RALYL: variants seen among roughly 807,000 people sequenced by gnomAD.
The protein encoded by RALYL is RALY RNA binding protein like.
RALYL carries 29 observed loss-of-function variants against 35.1 expected under a neutral mutation model. That is an observed-to-expected ratio of 0.83 (90% confidence interval 0.61 to 1.13). The LOEUF is 1.13. Among genes scored for constraint, RALYL ranks in the 50% most tolerant of loss-of-function variants. The pLI is 0.00. For missense variants in RALYL, 359 were observed against 360.4 expected (o/e 1.00, Z 0.03); for synonymous variants, 120 against 127.6 (o/e 0.94, Z 0.40).
intron 2 of RALYL, among the ~76,000 whole-genome samples, chr8:84,745,581 A>T (rs1808421636): frequency 6.6e-6 from 1 of 152,028 alleles, no homozygotes; most frequent in Admixed American, 6.6e-5. Flanking sequence ...AATGGCCCAT[A>T]GTATATTTTT....
intron 2 of RALYL, among the ~76,000 whole-genome samples, chr8:84,682,060 A>G (rs1835659757): frequency 6.6e-6 from 1 of 152,066 alleles, no homozygotes; most frequent in Non-Finnish European, 1.5e-5. Flanking sequence ...GGGCTGTTGG[A>G]TTTTGTCAAA....
chr8:84,194,491 G>C (rs996341137), intron 1 of RALYL, among the ~76,000 whole-genome samples: 1 of 152,080 alleles, frequency 6.6e-6, no homozygotes, highest in African/African-American at 2.4e-5. Flanking sequence ...TTCTGCAGTG[G>C]ATACAGCAAT....
intron 2 of RALYL, among the ~76,000 whole-genome samples, chr8:84,533,429 T>C (rs377376494): frequency 5.9e-5 from 9 of 152,326 alleles, no homozygotes; most frequent in African/African-American, 1.7e-4. Flanking sequence ...GCCAATTTTA[T>C]GTATCTATTG....
intron 6 of RALYL, among the ~76,000 whole-genome samples, chr8:84,872,277 G>A (rs933913589): frequency 5.3e-5 from 8 of 152,098 alleles, no homozygotes; most frequent in Non-Finnish European, 1.2e-4. Context: ...AAAGATTTAG[G>A]ATTAAATGCT....
At chr8:84,654,536 C>A (rs1404499992) in intron 2 of RALYL, among the ~76,000 whole-genome samples, 1 of 151,720 alleles carries the variant, frequency 6.6e-6, no homozygotes, top group Non-Finnish European at 1.5e-5. Flanking sequence ...CTTATTCATT[C>A]TAACTATTTT....
At chr8:84,391,482 G>C (rs911552054) in intron 1 of RALYL, among the ~76,000 whole-genome samples, 1 of 151,940 alleles carries the variant, frequency 6.6e-6, no homozygotes, top group South Asian at 2.1e-4. Context: ...AATCTGATTT[G>C]TCTGTAGGTT....
At chr8:84,514,109 A>C (rs913236092) in intron 1 of RALYL, among the ~76,000 whole-genome samples, 1 of 141,874 alleles carries the variant, frequency 7.0e-6, no homozygotes, top group African/African-American at 2.6e-5. Flanking sequence ...AAAAAAAAAA[A>C]AAAAAAGAAA....
intron 8 of RALYL, among the ~76,000 whole-genome samples, chr8:84,918,917 G>T (rs899654579): frequency 2.6e-5 from 4 of 151,890 alleles, no homozygotes; most frequent in African/African-American, 9.7e-5. Flanking sequence ...TTATTTTTAT[G>T]TAATTATTTA....
chr8:84,473,090 A>C (rs1283647528), intron 1 of RALYL, among the ~76,000 whole-genome samples: 1 of 152,118 alleles, frequency 6.6e-6, no homozygotes, highest in Non-Finnish European at 1.5e-5. Flanking sequence ...GGAAATGGGC[A>C]GGGCTACCCA....
intron 2 of RALYL, among the ~76,000 whole-genome samples, chr8:84,569,827 T>A (rs1428897736): frequency 6.6e-6 from 1 of 151,770 alleles, no homozygotes; most frequent in Non-Finnish European, 1.5e-5. Context: ...TCCCCAACAC[T>A]ATTTATCAAG....
rs1026246652 is a variant in RALYL, at chr8:84,921,797, G to C, written c.*886G>C. 2 of 152,160 alleles carry C rather than the reference G, an allele frequency of 1.3e-5. No homozygotes were observed. The highest frequency in any genetic ancestry group is 4.8e-5 in the African/African-American group (2 of 41,454). The allele number at this position is 152,160 out of a possible 1,614,324, so 9.4% of individuals were successfully genotyped here. On this transcript the variant is annotated 3_prime_UTR_variant, in exon 9 of 9. Coordinates refer to ENST00000521268, the MANE Select transcript of RALYL (RefSeq NM_173848.7). Reference sequence around the variant, plus strand: ...GAAACCATCTTCACAGACCGTAGGAGAATTCAACATATAATTTCTTAATAA... The same window carrying C: ...GAAACCATCTTCACAGACCGTAGGACAATTCAACATATAATTTCTTAATAA...
chr8:84,325,318 G>T (rs5009138), intron 1 of RALYL, among the ~76,000 whole-genome samples: 7,211 of 152,174 alleles, frequency 0.047, 264 homozygotes, highest in African/African-American at 0.083. Flanking sequence ...AGATTTCCCT[G>T]ATTCTTAATA....
intron 2 of RALYL, among the ~76,000 whole-genome samples, chr8:84,621,013 C>T (rs1415867008): frequency 6.6e-6 from 1 of 152,200 alleles, no homozygotes; most frequent in Non-Finnish European, 1.5e-5. Flanking sequence ...CAGACAGGGA[C>T]ATTTAAGTCT....
intron 1 of RALYL, among the ~76,000 whole-genome samples, chr8:84,338,303 T>A (rs1848188894): frequency 6.6e-6 from 1 of 152,006 alleles, no homozygotes; most frequent in South Asian, 2.1e-4. Flanking sequence ...TTCTTTAATA[T>A]ATTGTATTGT....
chr8:84,288,974 G>GT (rs1838223707), intron 1 of RALYL, among the ~76,000 whole-genome samples: 1 of 152,136 alleles, frequency 6.6e-6, no homozygotes, highest in Non-Finnish European at 1.5e-5. Context: ...CCAAAATGTA[G>GT]TCTGAACTTG....
chr8:84,644,540 T>C (rs1282657103), intron 2 of RALYL, among the ~76,000 whole-genome samples: 1 of 152,046 alleles, frequency 6.6e-6, no homozygotes, highest in Non-Finnish European at 1.5e-5. Flanking sequence ...TAGAACAGTG[T>C]AAGGAAGATC....
chr8:84,698,406 A>G (rs1839549842), intron 2 of RALYL, among the ~76,000 whole-genome samples: 1 of 152,062 alleles, frequency 6.6e-6, no homozygotes, highest in African/African-American at 2.4e-5. Context: ...GATGATGTAA[A>G]ATTATAATAT....
rs1821623208 is a variant in RALYL, at chr8:84,621,973, C to G, written c.256+92396C>G. ...ACATTTGCTAATTACAAGGTGACAT[C>G]TGCATAATTATTAATTATGAAGTTA... On this transcript the variant is annotated intron_variant, in intron 2 of 8. Coordinates refer to ENST00000521268, the MANE Select transcript of RALYL (RefSeq NM_173848.7). Among the ~76,000 whole-genome samples the G allele has an allele frequency of 2.6e-5, 4 of 152,262 alleles. No homozygotes were observed. The South Asian group carries it at 8.3e-4, about 32-fold the overall frequency.
At chr8:84,306,418 T>C (rs1245518201) in intron 1 of RALYL, among the ~76,000 whole-genome samples, 1 of 152,178 alleles carries the variant, frequency 6.6e-6, no homozygotes, top group Non-Finnish European at 1.5e-5. Context: ...TTTTAAACCA[T>C]CTTTTGATAA....
Sources: gnomAD v4.1 joint callset for allele counts (sites outside exome capture counted in the v4.1 genomes callset) on GRCh38, gnomAD v4.1.1 for gene constraint, MANE v1.5 for transcripts, NCBI Gene and HGNC (gene_info 2026-07-23, HGNC 2026-07-21) for gene names.